Variants in SLC24A3 observed in about 807,000 individuals in gnomAD.
The protein encoded by SLC24A3 is sodium/potassium/calcium exchanger 3.
SLC24A3 carries 28 observed loss-of-function variants against 75.8 expected under a neutral mutation model. The observed-to-expected ratio is 0.37, with a 90% confidence interval of 0.27 to 0.51. The LOEUF is 0.51. SLC24A3 is among the 20% of genes least tolerant of loss of function. SLC24A3 has a pLI of 0.94. For synonymous variants in SLC24A3, 372 were observed against 334.1 expected, an observed-to-expected ratio of 1.11 and a Z score of -1.24; for missense variants, 663 against 847.8, an observed-to-expected ratio of 0.78 and a Z score of 2.71.
Position 19,228,379 on chromosome 20 carries a change from C to T in SLC24A3, c.142+15395C>T, listed in dbSNP as rs137965150. 4.0e-3 allele frequency among the ~76,000 whole-genome samples: 604 copies of T among 152,228 alleles called. 3 individuals are homozygous for T. The highest frequency in any genetic ancestry group is 0.014 in the African/African-American group (584 of 41,538). On this transcript the variant is annotated intron_variant, in intron 1 of 16. Transcript: ENST00000328041. ...TCAGGGCCGGGCGCGGTGGCTCACG[C>T]CTGTAATCCCAGCACTTTCGGAGGC...
At chr20:19,613,933 G>A (rs188888107) in intron 6 of SLC24A3, among the ~76,000 whole-genome samples, 35 of 152,256 alleles carry the variant, frequency 2.3e-4, no homozygotes, top group African/African-American at 4.8e-4. Flanking sequence ...AATTCTTTGC[G>A]TTCAACCCGC....
chr20:19,261,270 G>A (rs1982977114), intron 1 of SLC24A3, among the ~76,000 whole-genome samples: 1 of 152,180 alleles, frequency 6.6e-6, no homozygotes, highest in Admixed American at 6.5e-5. Flanking sequence ...ATGATGTGAG[G>A]TAATGGACAA....
intron 2 of SLC24A3, among the ~76,000 whole-genome samples, chr20:19,347,068 C>T (rs1985446761): frequency 6.6e-6 from 1 of 152,066 alleles, no homozygotes; most frequent in African/African-American, 2.4e-5. Flanking sequence ...CACAAAAAGA[C>T]ATTTAGGAAC....
At chr20:19,239,073 G>A (rs1416635375) in intron 1 of SLC24A3, among the ~76,000 whole-genome samples, 1 of 150,228 alleles carries the variant, frequency 6.7e-6, no homozygotes, top group African/African-American at 2.4e-5. Context: ...AGTTACACTG[G>A]AGGAAGTGTG....
chr20:19,559,174 T>C (rs190457223), intron 3 of SLC24A3, among the ~76,000 whole-genome samples: 2 of 152,326 alleles, frequency 1.3e-5, no homozygotes, highest in Non-Finnish European at 2.9e-5. Context: ...AGTGAGTGTG[T>C]AGAGGTACCT....
intron 1 of SLC24A3, among the ~76,000 whole-genome samples, chr20:19,249,589 T>G (rs1338434538): frequency 2.6e-5 from 4 of 152,232 alleles, no homozygotes; most frequent in Admixed American, 2.6e-4. Context: ...TCATTTCATC[T>G]TGTTGGCCAG....
chr20:19,678,622 G>A (rs578172282), intron 9 of SLC24A3, among the ~76,000 whole-genome samples: 166 of 139,980 alleles, frequency 1.2e-3, no homozygotes, highest in African/African-American at 4.0e-3. Context: ...CGGACGGGGC[G>A]GCTGGCCCCG....
At chr20:19,616,085 G>A (rs186216351) in intron 6 of SLC24A3, among the ~76,000 whole-genome samples, 18 of 152,338 alleles carry the variant, frequency 1.2e-4, no homozygotes, top group Admixed American at 3.3e-4. Context: ...GGAAAGGAGA[G>A]GAAGATGAAG....
intron 2 of SLC24A3, among the ~76,000 whole-genome samples, chr20:19,325,143 C>A (rs1984809004): frequency 6.6e-6 from 1 of 151,770 alleles, no homozygotes; most frequent in African/African-American, 2.4e-5. Context: ...GAGAAGGAAC[C>A]CAGGCTGGCT....
chr20:19,513,248 G>A (rs561555559), intron 2 of SLC24A3, among the ~76,000 whole-genome samples: 12 of 152,382 alleles, frequency 7.9e-5, no homozygotes, highest in Non-Finnish European at 1.5e-5. Flanking sequence ...CAGTAGGGGG[G>A]TGGCATGTGT....
intron 9 of SLC24A3, among the ~76,000 whole-genome samples, chr20:19,676,724 G>A (rs1259550134): frequency 6.6e-6 from 1 of 152,220 alleles, no homozygotes; most frequent in Non-Finnish European, 1.5e-5. Flanking sequence ...ATTTCAGATT[G>A]TCCAGTTAGG....
intron 1 of SLC24A3, chr20:19,213,221 A>G (rs1048337630): frequency 3.6e-4 from 112 of 312,048 alleles, no homozygotes; most frequent in African/African-American, 2.3e-3. Context: ...CGCCCTGGGA[A>G]CATTTACCTG....
intron 8 of SLC24A3, among the ~76,000 whole-genome samples, chr20:19,667,684 T>C (rs1390312335): frequency 6.6e-6 from 1 of 152,158 alleles, no homozygotes; most frequent in Admixed American, 6.5e-5. Flanking sequence ...ACCACCTCCA[T>C]GGCATTGCTG....
At chr20:19,353,630 T>C (rs1401055236) in intron 2 of SLC24A3, among the ~76,000 whole-genome samples, 1 of 152,232 alleles carries the variant, frequency 6.6e-6, no homozygotes, top group African/African-American at 2.4e-5. Context: ...ACAAGGAGGC[T>C]GCAGAGGAAG....
rs559999782 is a variant in SLC24A3 at position 19,224,170 on chromosome 20, T to G, written c.142+11186T>G. 1.5e-4 allele frequency among the ~76,000 whole-genome samples: 23 copies of G among 151,868 alleles called. No individual in the cohort carries two copies. The South Asian group carries it at 4.2e-3, about 27-fold the overall frequency. ...TGTGAGAGTATTGAGTTACACACAG[T>G]TTTATCACCTGTGTAGGTTTGTGTA... On this transcript the variant is annotated intron_variant, in intron 1 of 16. Coordinates refer to ENST00000328041, the MANE Select transcript of SLC24A3 (RefSeq NM_020689.4).
At chr20:19,334,149 C>T (rs954468937) in intron 2 of SLC24A3, among the ~76,000 whole-genome samples, 11 of 151,966 alleles carry the variant, frequency 7.2e-5, no homozygotes, top group African/African-American at 2.7e-4. Context: ...TCGTTGTCTC[C>T]GTGAGTATGG....
intron 4 of SLC24A3, among the ~76,000 whole-genome samples, chr20:19,583,686 G>A (rs567339144): frequency 9.8e-5 from 15 of 152,314 alleles, no homozygotes; most frequent in African/African-American, 3.6e-4. Flanking sequence ...CATGGCTCCC[G>A]CCTCCTGGCA....
intron 3 of SLC24A3, among the ~76,000 whole-genome samples, chr20:19,556,207 T>C (rs2030781281): frequency 6.6e-6 from 1 of 152,042 alleles, no homozygotes; most frequent in South Asian, 2.1e-4. Flanking sequence ...ACATATAAAT[T>C]TGGGGGGGAC....
rs540869971 is a variant in SLC24A3, at chr20:19,548,572, GCTC to G, written c.349-31427_349-31425del. Among the ~76,000 whole-genome samples the G allele has an allele frequency of 4.6e-5, 7 of 152,266 alleles. No individual in the cohort carries two copies. The South Asian group carries it at 1.2e-3, about 27-fold the overall frequency. ...CAGACACAGCATGATTGGGTTCTCT[GCTC>G]AGGGTCTCACAAGGCTAACGCCAAG... On this transcript the variant is annotated intron_variant, in intron 3 of 16. Transcript: ENST00000328041.
Sources: allele counts gnomAD v4.1 joint callset (sites outside exome capture counted in the v4.1 genomes callset), GRCh38; gene constraint gnomAD v4.1.1; transcripts MANE v1.5; gene names NCBI Gene and HGNC (gene_info 2026-07-23, HGNC 2026-07-21).